Variants in MED29 observed in about 807,000 individuals in gnomAD.
MED29 encodes mediator complex subunit 29, also known as mediator of RNA polymerase II transcription subunit 29.
A neutral mutation model predicts 22.0 loss-of-function variants in MED29; 14 were observed. That is an observed-to-expected ratio of 0.64 (90% CI 0.42 to 0.99). The LOEUF (loss-of-function observed/expected upper bound fraction) is 0.99, where lower values mean the gene tolerates loss of function less well. Among genes scored for constraint, MED29 ranks in the 50% least tolerant of loss-of-function variants. MED29 has a pLI of 0.00. For synonymous variants in MED29, 123 were observed against 107.8 expected (o/e 1.14, Z -0.87); for missense variants, 241 against 253.7 (o/e 0.95, Z 0.34).
At position 39,397,942 on chromosome 19, in the gene MED29, T is replaced by C. The variant is rs1026667929; in HGVS notation, c.*243T>C. ...TTGAACTGTGTGTGTTGATGACTTCTCTGTTCCACAGGCCCTCCCCCATTC... is the reference window on the plus strand; with the variant it reads ...TTGAACTGTGTGTGTTGATGACTTCCCTGTTCCACAGGCCCTCCCCCATTC... On this transcript the variant is annotated 3_prime_UTR_variant, in exon 4 of 4. Transcript: ENST00000315588. 6.4e-6 allele frequency: 4 copies of C among 628,280 alleles called. No individual in the cohort carries two copies. The highest frequency in any genetic ancestry group is 1.1e-5 in the Non-Finnish European group (4 of 371,444). The allele number at this position is 628,280 out of a possible 1,614,324, so 38.9% of individuals were successfully genotyped here.
At chr19:39,392,657 C>T (rs576758309) in intron 2 of MED29, 135 bp downstream of exon 2, 163 of 688,818 alleles carry the variant, frequency 2.4e-4, no homozygotes, top group Non-Finnish European at 3.1e-4. Context: ...GACAGGGTCT[C>T]CCTCTGTCAC....
At chr19:39,394,835 T>A (rs1264856396) in intron 3 of MED29, among the ~76,000 whole-genome samples, 1 of 151,418 alleles carries the variant, frequency 6.6e-6, no homozygotes, top group Non-Finnish European at 1.5e-5. Flanking sequence ...GTGCTGGGAT[T>A]ACAGGCGTGA....
rs912609272 is a variant in MED29, at chr19:39,391,479, T to G, written c.57T>G (p.Gly19=). ...CTTCCTCAGCTGCTGGTGTATCGGG[T>G]CCTAGTTCGGCTGGCGGCCCGGGTC... The part of the protein sequence containing the change: ...SAASSAAGVS[G]PSSAGGPGPQ... The change falls in exon 1 of 4, where the codon GGT becomes GGG. Residue 19 remains glycine (G), a synonymous_variant. Transcript: ENST00000315588. 8.1e-6 allele frequency: 13 copies of G among 1,613,296 alleles called. No individual in the cohort carries two copies. Among genetic ancestry groups the G allele is most frequent in the Non-Finnish European group, 1.1e-5 (13 of 1,179,864 alleles).
chr19:39,393,629 C>T lies in MED29; in HGVS notation c.352C>T (p.Leu118=). The change falls in exon 3 of 4, where the codon CTG becomes TTG. Residue 118 remains leucine, a synonymous_variant. Coordinates refer to ENST00000315588, the MANE Select transcript of MED29 (RefSeq NM_017592.4). ...CTATGCACTCTGTGACCAGCTGGAGCTGTGCCTGGTAAGAAGCCTTCTGGA... is the reference window on the plus strand; with the variant it reads ...CTATGCACTCTGTGACCAGCTGGAGTTGTGCCTGGTAAGAAGCCTTCTGGA... ...EFYALCDQLE[L]CLRLAHECLS... is the part of the protein sequence containing the mutation. 6.2e-7 allele frequency: 1 copy of T among 1,614,030 alleles called. No homozygotes were observed. Among genetic ancestry groups the T allele is most frequent in the Middle Eastern group, 1.7e-4 (1 of 6,060 alleles).
Position 39,397,663 on chromosome 19 carries a change from A to ACCC in MED29, c.568_570dup (p.Pro190dup). 1 of 1,611,880 alleles carries ACCC rather than the reference A, an allele frequency of 6.2e-7. No homozygotes were observed. Among genetic ancestry groups the ACCC allele is most frequent in the Non-Finnish European group, 8.5e-7 (1 of 1,179,856 alleles). ...GTGCCAACAAGGTCACGGGCAAGACACCCGCACCACCTGCTGGCCCTGGGG... is the reference window on the plus strand; with the variant it reads ...GTGCCAACAAGGTCACGGGCAAGACACCCCCCGCACCACCTGCTGGCCCTGGGG... On this transcript the variant is annotated inframe_insertion, in exon 4 of 4. Transcript: ENST00000315588.
intron 1 of MED29, among the ~76,000 whole-genome samples, chr19:39,391,841 C>G (rs2078383877): frequency 1.3e-5 from 2 of 152,140 alleles, no homozygotes; most frequent in Middle Eastern, 3.4e-3. Context: ...CAAGACCAGC[C>G]TGGTGAAACC....
chr19:39,391,621 C>T lies in MED29; in HGVS notation c.199C>T (p.Leu67=), dbSNP rs773315979. The part of the protein sequence containing the change: ...VQRYKMLIPQ[L]KESLQTLMKV... The stretch of plus-strand genomic sequence containing the variant: ...GCGTTATAAGATGCTCATCCCGCAG[C>T]TGAAGGAGAGTCTACAGGTGATTGG... The change falls in exon 1 of 4, where the codon CTG becomes TTG. Residue 67 remains leucine, a synonymous_variant. Transcript: ENST00000315588. 6.2e-7 allele frequency: 1 copy of T among 1,603,884 alleles called. No homozygotes were observed. The highest frequency in any genetic ancestry group is 8.5e-7 in the Non-Finnish European group (1 of 1,174,334).
chr19:39,395,853 C>T (rs1363254962), intron 3 of MED29, among the ~76,000 whole-genome samples: 1 of 151,528 alleles, frequency 6.6e-6, no homozygotes, highest in Non-Finnish European at 1.5e-5. Context: ...GGAGGCAGAG[C>T]TTGCAGTGAG....
At chr19:39,396,743 G>T (rs1292667688) in intron 3 of MED29, among the ~76,000 whole-genome samples, 3 of 150,148 alleles carry the variant, frequency 2.0e-5, no homozygotes, top group South Asian at 2.1e-4. Flanking sequence ...AAAAAAAAAA[G>T]CCTGGGCGCG....
intron 1 of MED29, among the ~76,000 whole-genome samples, chr19:39,392,126 G>A (rs2078388058): frequency 6.6e-6 from 1 of 152,202 alleles, no homozygotes; most frequent in Non-Finnish European, 1.5e-5. Context: ...GGGACTGGCC[G>A]GAGCTTGAGT....
At position 39,398,744 on chromosome 19, in the gene MED29, G is replaced by A. The variant is rs1347183571; in HGVS notation, c.*1045G>A. On this transcript the variant is annotated 3_prime_UTR_variant, in exon 4 of 4. Transcript: ENST00000315588. ...GCTACCAGCCCAGGCTCAGATGTTG[G>A]GGTGTGAAAGCCTCAAGTGACTCAG... is the stretch of plus-strand genomic sequence containing the variant. 5.3e-5 allele frequency: 8 copies of A among 152,258 alleles called. No individual in the cohort carries two copies. Among genetic ancestry groups the A allele is most frequent in the African/African-American group, 1.2e-4 (5 of 41,450 alleles). The allele number at this position is 152,258 out of a possible 1,614,324, so 9.4% of individuals were successfully genotyped here. A position where few individuals can be genotyped will look rare whatever the true frequency, so the allele number is the denominator to read the frequency against.
At chr19:39,395,094 T>C (rs529622610) in intron 3 of MED29, among the ~76,000 whole-genome samples, 1 of 152,244 alleles carries the variant, frequency 6.6e-6, no homozygotes, top group South Asian at 2.1e-4. Flanking sequence ...GGTCAAGCAA[T>C]TCACCCACCT....
chr19:39,399,826 C>T lies in MED29; in HGVS notation c.*2127C>T, dbSNP rs548346133. On this transcript the variant is annotated 3_prime_UTR_variant, in exon 4 of 4. Transcript: ENST00000315588. ...GGTGGGGGGGCCTGATAGCCCAGCA[C>T]CCATGATACAGGGCCTACCAATGCT... The T allele has an allele frequency of 6.6e-6, 1 of 152,270 alleles. No individual in the cohort carries two copies. Among genetic ancestry groups the T allele is most frequent in the African/African-American group, 2.4e-5 (1 of 41,512 alleles). 9.4% of individuals were successfully genotyped at this position (152,270 alleles called of 1,614,324 possible).
intron 3 of MED29, among the ~76,000 whole-genome samples, chr19:39,394,915 C>CA (rs2078420107): frequency 6.6e-6 from 1 of 151,120 alleles, no homozygotes; most frequent in East Asian, 2.0e-4. Flanking sequence ...GGCTGGACTG[C>CA]AGTGGCACAG....
rs372655213 is a variant in MED29, at chr19:39,397,537, C to T, written c.441C>T (p.Pro147=). Residue 147 remains proline (P), a synonymous_variant, in exon 4 of 4, where the codon CCC becomes CCT. Coordinates refer to ENST00000315588, the MANE Select transcript of MED29 (RefSeq NM_017592.4). ...CGTTGGTGCCCACAGCCACCAAGCC[C>T]GACGCAGTGCAGCCTGACAGCCTCC... ...SPTLVPTATK[P]DAVQPDSLPY... is the part of the protein sequence containing the mutation. 20 of 1,613,096 alleles carry T rather than the reference C, an allele frequency of 1.2e-5. No homozygotes were observed. Among genetic ancestry groups the T allele is most frequent in the African/African-American group, 1.1e-4 (8 of 74,916 alleles).
chr19:39,396,751 G>A (rs901484830), intron 3 of MED29, among the ~76,000 whole-genome samples: 4 of 150,318 alleles, frequency 2.7e-5, no homozygotes, highest in African/African-American at 7.4e-5. Flanking sequence ...AAGCCTGGGC[G>A]CGGTGGCTCA....
Position 39,397,915 on chromosome 19 carries a change from C to G in MED29, c.*216C>G. ...GCTCCCCCTCCTAGCCTAGGGTAGA[C>G]TTTGAACTGTGTGTGTTGATGACTT... On this transcript the variant is annotated 3_prime_UTR_variant, in exon 4 of 4. Coordinates refer to ENST00000315588, the MANE Select transcript of MED29 (RefSeq NM_017592.4). The G allele has an allele frequency of 1.3e-6, 1 of 742,094 alleles. No homozygotes were observed. The highest frequency in any genetic ancestry group is 1.9e-5 in the South Asian group (1 of 52,186). The allele number at this position is 742,094 out of a possible 1,614,324, so 46.0% of individuals were successfully genotyped here.
intron 2 of MED29, among the ~76,000 whole-genome samples, chr19:39,393,081 C>CTTTT (rs142198224): frequency 0.028 from 954 of 34,616 alleles, 6 homozygotes; most frequent in East Asian, 0.057. Context: ...TCTTTCTTTT[C>CTTTT]TTTTTTTTTT....
Position 39,397,438 on chromosome 19 carries a change from C to T in MED29, c.361-19C>T, listed in dbSNP as rs1323779742. The T allele has an allele frequency of 1.3e-6, 2 of 1,597,048 alleles. No homozygotes were observed. Among genetic ancestry groups the T allele is most frequent in the East Asian group, 4.5e-5 (2 of 44,784 alleles). On this transcript the variant is annotated intron_variant, in intron 3 of 3. Transcript: ENST00000315588. ...CCTCGGGTGGAGCTGATGCTGTCCCCTTGCCTGCCTGTCCACAGCGCCTGG... is the reference window on the plus strand; with the variant it reads ...CCTCGGGTGGAGCTGATGCTGTCCCTTTGCCTGCCTGTCCACAGCGCCTGG...
Sources: gnomAD v4.1 joint callset for allele counts (sites outside exome capture counted in the v4.1 genomes callset) on GRCh38, gnomAD v4.1.1 for gene constraint, MANE v1.5 for transcripts, NCBI Gene and HGNC (gene_info 2026-07-23, HGNC 2026-07-21) for gene names.